Variants in SGCZ observed in about 807,000 individuals in gnomAD.
The protein encoded by SGCZ is zeta-sarcoglycan.
A neutral mutation model predicts 41.3 loss-of-function variants in SGCZ; 40 were observed. The observed-to-expected ratio is 0.97, with a 90% confidence interval of 0.75 to 1.26. SGCZ has a LOEUF of 1.26. SGCZ is among the 50% of genes most tolerant of loss of function. SGCZ has a pLI of 0.00. For missense variants in SGCZ, 552 were observed against 369.8 expected (o/e 1.49, Z -4.04); for synonymous variants, 206 against 137.5 (o/e 1.50, Z -3.49).
At chr8:14,500,211 A>T (rs542925419) in intron 2 of SGCZ, among the ~76,000 whole-genome samples, 1 of 152,200 alleles carries the variant, frequency 6.6e-6, no homozygotes, top group Non-Finnish European at 1.5e-5. Context: ...ATATATTTTG[A>T]CTTTTGGTGG....
At chr8:14,147,789 G>A (rs1293355520) in intron 5 of SGCZ, among the ~76,000 whole-genome samples, 1 of 151,944 alleles carries the variant, frequency 6.6e-6, no homozygotes, top group Non-Finnish European at 1.5e-5. Context: ...TCATTATCAG[G>A]GATAGACTAT....
intron 1 of SGCZ, among the ~76,000 whole-genome samples, chr8:14,724,324 T>G (rs915855110): frequency 6.6e-6 from 1 of 151,492 alleles, no homozygotes; most frequent in Non-Finnish European, 1.5e-5. Context: ...TATATATATA[T>G]GTGTTCTAAT....
At chr8:14,117,262 A>T (rs749077806) in intron 5 of SGCZ, among the ~76,000 whole-genome samples, 24 of 152,156 alleles carry the variant, frequency 1.6e-4, no homozygotes, top group Non-Finnish European at 3.4e-4. Flanking sequence ...TAATCCAGAT[A>T]TGTGCTTTTA....
At chr8:14,590,651 T>A (rs1333947518) in intron 1 of SGCZ, among the ~76,000 whole-genome samples, 2 of 149,900 alleles carry the variant, frequency 1.3e-5, no homozygotes, top group African/African-American at 2.4e-5. Flanking sequence ...AAATCTTCAA[T>A]CGAGTTGTAT....
intron 4 of SGCZ, among the ~76,000 whole-genome samples, chr8:14,231,585 A>G (rs913618004): frequency 6.6e-6 from 1 of 152,064 alleles, no homozygotes; most frequent in East Asian, 1.9e-4. Context: ...AGTTGGACCA[A>G]TAAACATGCT....
intron 1 of SGCZ, among the ~76,000 whole-genome samples, chr8:14,685,096 A>G (rs1808568770): frequency 1.1e-3 from 1 of 896 alleles, no homozygotes; most frequent in Non-Finnish European, 0.019. Context: ...TTTAGAAATT[A>G]TTTAAACACA....
At chr8:14,108,646 G>C (rs1802281829) in intron 5 of SGCZ, among the ~76,000 whole-genome samples, 2 of 152,038 alleles carry the variant, frequency 1.3e-5, no homozygotes, top group African/African-American at 4.8e-5. Flanking sequence ...CCCACAACAC[G>C]TGGGCATTAT....
chr8:14,337,337 T>G (rs925982962), intron 2 of SGCZ, among the ~76,000 whole-genome samples: 2 of 152,058 alleles, frequency 1.3e-5, no homozygotes, highest in Admixed American at 6.6e-5. Context: ...CTATTATCTA[T>G]TTAGAAGGAG....
At chr8:15,117,089 T>G (rs773533043) in intron 1 of SGCZ, among the ~76,000 whole-genome samples, 1 of 152,218 alleles carries the variant, frequency 6.6e-6, no homozygotes, top group Admixed American at 6.5e-5. Context: ...ATAAATGTAC[T>G]GGCAGGGCGC....
chr8:14,931,042 AT>A, intron 1 of SGCZ, among the ~76,000 whole-genome samples: 1 of 152,024 alleles, frequency 6.6e-6, no homozygotes, highest in Non-Finnish European at 1.5e-5. Context: ...TGAATACATT[AT>A]TTTGCATATT....
At chr8:14,991,384 T>C (rs905382745) in intron 1 of SGCZ, among the ~76,000 whole-genome samples, 2 of 152,172 alleles carry the variant, frequency 1.3e-5, no homozygotes, top group African/African-American at 2.4e-5. Flanking sequence ...AGGCAGACTC[T>C]GCATTGTAAC....
At chr8:14,956,349 T>A (rs1800792967) in intron 1 of SGCZ, among the ~76,000 whole-genome samples, 1 of 152,130 alleles carries the variant, frequency 6.6e-6, no homozygotes, top group Non-Finnish European at 1.5e-5. Context: ...ACTTTTATTT[T>A]TAATAAAAGT....
intron 2 of SGCZ, among the ~76,000 whole-genome samples, chr8:14,432,910 T>C (rs1184093641): frequency 4.1e-5 from 2 of 49,068 alleles, no homozygotes; most frequent in Admixed American, 3.8e-4. Context: ...TGAGACTGTG[T>C]CTCCAAAAAA....
At chr8:14,164,829 C>A in intron 4 of SGCZ, 127 bp from the exon 5 acceptor site, 5 of 1,175,450 alleles carry the variant, frequency 4.3e-6, no homozygotes, top group Non-Finnish European at 4.7e-6. Context: ...TGTTTTGCAT[C>A]TGAGTTAGTA....
chr8:14,449,267 T>C (rs1230387247), intron 2 of SGCZ, among the ~76,000 whole-genome samples: 5 of 152,198 alleles, frequency 3.3e-5, no homozygotes, highest in Admixed American at 6.5e-5. Context: ...AAACAAAACA[T>C]TGGGTTCACA....
At chr8:14,439,720 C>T (rs898719984) in intron 2 of SGCZ, among the ~76,000 whole-genome samples, 1 of 151,822 alleles carries the variant, frequency 6.6e-6, no homozygotes, top group Non-Finnish European at 1.5e-5. Context: ...GACAAATTAA[C>T]ACAAATTTGT....
intron 2 of SGCZ, among the ~76,000 whole-genome samples, chr8:14,334,345 T>G (rs557853856): frequency 6.6e-6 from 1 of 152,208 alleles, no homozygotes; most frequent in East Asian, 1.9e-4. Flanking sequence ...ACAACAATCC[T>G]GTAAAACTGA....
intron 1 of SGCZ, among the ~76,000 whole-genome samples, chr8:14,791,077 C>A (rs1392331136): frequency 6.6e-6 from 1 of 151,088 alleles, no homozygotes; most frequent in Admixed American, 6.6e-5. Flanking sequence ...ATGCCATATA[C>A]AATATGATCA....
chr8:14,255,975 A>G (rs1389281321), intron 3 of SGCZ, among the ~76,000 whole-genome samples: 4 of 152,120 alleles, frequency 2.6e-5, no homozygotes, highest in Non-Finnish European at 4.4e-5. Flanking sequence ...TTCATTATCT[A>G]TTCATTAAAT....
Sources: gnomAD v4.1 joint callset for allele counts (sites outside exome capture counted in the v4.1 genomes callset) on GRCh38, gnomAD v4.1.1 for gene constraint, MANE v1.5 for transcripts, NCBI Gene and HGNC (gene_info 2026-07-23, HGNC 2026-07-21) for gene names.